Variants in SCIN observed in about 807,000 individuals in gnomAD.
SCIN encodes the protein adseverin.
In SCIN, 91 loss-of-function variants were observed where a neutral mutation model predicts 91.8. The ratio of observed to expected loss-of-function variants is 0.99; its 90% CI spans 0.84 to 1.18. The LOEUF (loss-of-function observed/expected upper bound fraction) is 1.18. Among genes scored for constraint, SCIN ranks in the 50% most tolerant of loss-of-function variants. The pLI, the probability that SCIN is intolerant of heterozygous loss-of-function variation, is 0.00. For missense variants in SCIN, 1,087 were observed against 863.9 expected (o/e 1.26, Z -3.24); for synonymous variants, 367 against 312.6 (o/e 1.17, Z -1.84).
chr7:12,617,587 A>C (rs1477507231), intron 4 of SCIN, among the ~76,000 whole-genome samples: 1 of 152,140 alleles, frequency 6.6e-6, no homozygotes, highest in Non-Finnish European at 1.5e-5. Context: ...CAGCTCTCAG[A>C]CCACCAGGCC....
intron 3 of SCIN, among the ~76,000 whole-genome samples, chr7:12,601,791 T>C (rs1782963679): frequency 6.6e-6 from 1 of 152,246 alleles, no homozygotes; most frequent in Non-Finnish European, 1.5e-5. Context: ...TTTTTGTTTC[T>C]ACTTAAATGT....
chr7:12,598,581 T>A (rs546198863), intron 3 of SCIN, among the ~76,000 whole-genome samples: 2 of 152,244 alleles, frequency 1.3e-5, no homozygotes, highest in African/African-American at 4.8e-5. Flanking sequence ...GAATGAACAT[T>A]TAATTAGATT....
At chr7:12,636,809 A>G (rs1783761725) in intron 10 of SCIN, among the ~76,000 whole-genome samples, 1 of 152,158 alleles carries the variant, frequency 6.6e-6, no homozygotes, top group Non-Finnish European at 1.5e-5. Flanking sequence ...ACACAAAGAA[A>G]TGATAAATAT....
intron 3 of SCIN, among the ~76,000 whole-genome samples, chr7:12,599,370 A>AGTGT (rs10659954): frequency 0.41 from 61,049 of 149,140 alleles, 12,333 homozygotes; most frequent in Admixed American, 0.46. Context: ...TTTCATGGTG[A>AGTGT]GTGTGTGTGT....
intron 3 of SCIN, among the ~76,000 whole-genome samples, chr7:12,583,672 G>A (rs1782532109): frequency 6.6e-6 from 1 of 152,020 alleles, no homozygotes. Context: ...AACAAATACA[G>A]AGTTTCCACT....
At chr7:12,591,879 A>AG (rs761584209) in intron 3 of SCIN, among the ~76,000 whole-genome samples, 1 of 152,006 alleles carries the variant, frequency 6.6e-6, no homozygotes, top group Non-Finnish European at 1.5e-5. Flanking sequence ...TGGGCCTTGG[A>AG]GGGGGAGACC....
Position 12,618,820 on chromosome 7 carries a change from G to A in SCIN, c.667-3981G>A, listed in dbSNP as rs193161342. Among the ~76,000 whole-genome samples the A allele has an allele frequency of 2.0e-4, 30 of 152,218 alleles. No homozygotes were observed. The East Asian group carries it at 4.2e-3, about 22-fold the overall frequency. On this transcript the variant is annotated intron_variant, in intron 4 of 15. Transcript: ENST00000297029. Reference sequence around the variant, plus strand: ...AGATACAGAATTTACAAATTAAAATGTTCATTCTTGGAACCTGTGAGCTGA... The same window carrying A: ...AGATACAGAATTTACAAATTAAAATATTCATTCTTGGAACCTGTGAGCTGA...
chr7:12,656,767 C>CA lies in SCIN; in HGVS notation c.*4058dup, dbSNP rs1253188383. Reference sequence around the variant, plus strand: ...TGAAACCCCGTCTCTACTAAAAATACAAAAAATTAGCTGGGCGTAGTGGCG... The same window carrying CA: ...TGAAACCCCGTCTCTACTAAAAATACAAAAAAATTAGCTGGGCGTAGTGGCG... On this transcript the variant is annotated 3_prime_UTR_variant, in exon 16 of 16. Transcript: ENST00000297029. 4 of 152,074 alleles carry CA rather than the reference C, an allele frequency of 2.6e-5. No homozygotes were observed. Among genetic ancestry groups the CA allele is most frequent in the Non-Finnish European group, 5.9e-5 (4 of 68,022 alleles). The allele number at this position is 152,074 out of a possible 1,614,324, so 9.4% of individuals were successfully genotyped here. A position where few individuals can be genotyped will look rare whatever the true frequency, so the allele number is the denominator to read the frequency against.
chr7:12,595,895 C>A (rs1011365195), intron 3 of SCIN: 1 of 154,100 alleles, frequency 6.5e-6, no homozygotes, highest in Non-Finnish European at 1.4e-5. Context: ...ATCCAAATTA[C>A]CAGTGGCAAA....
chr7:12,608,087 T>C (rs1045580676), intron 4 of SCIN, among the ~76,000 whole-genome samples: 1 of 152,204 alleles, frequency 6.6e-6, no homozygotes, highest in Non-Finnish European at 1.5e-5. Flanking sequence ...TAATTATTAT[T>C]GTTATTAGAT....
At chr7:12,591,950 T>A (rs1183334218) in intron 3 of SCIN, among the ~76,000 whole-genome samples, 2 of 151,956 alleles carry the variant, frequency 1.3e-5, no homozygotes, top group Non-Finnish European at 2.9e-5. Flanking sequence ...TTGAGAGTCT[T>A]TTAGAGAGGG....
chr7:12,650,818 A>G (rs1302492418), intron 14 of SCIN, among the ~76,000 whole-genome samples: 1 of 152,178 alleles, frequency 6.6e-6, no homozygotes, highest in Non-Finnish European at 1.5e-5. Context: ...AGGGAGGGCA[A>G]GCTACTAGAG....
chr7:12,610,139 G>A (rs1490204719), intron 4 of SCIN, among the ~76,000 whole-genome samples: 4 of 152,152 alleles, frequency 2.6e-5, no homozygotes, highest in Non-Finnish European at 4.4e-5. Context: ...TATGATGTTA[G>A]CATATAGTCT....
chr7:12,647,752 A>G (rs34982781), intron 13 of SCIN, among the ~76,000 whole-genome samples: 4 of 152,294 alleles, frequency 2.6e-5, no homozygotes, highest in Admixed American at 6.5e-5. Context: ...TGTTTTGTTT[A>G]TTTTGTATAA....
At chr7:12,605,209 A>G (rs1305482285) in intron 4 of SCIN, among the ~76,000 whole-genome samples, 10 of 151,934 alleles carry the variant, frequency 6.6e-5, no homozygotes, top group Admixed American at 2.6e-4. Context: ...CCACCACCAT[A>G]CCTGGCTAAT....
intron 4 of SCIN, among the ~76,000 whole-genome samples, chr7:12,616,128 T>A (rs527283475): frequency 6.6e-6 from 1 of 152,186 alleles, no homozygotes; most frequent in South Asian, 2.1e-4. Context: ...CAACTTAGAG[T>A]ACCAGAGGGT....
intron 9 of SCIN, among the ~76,000 whole-genome samples, chr7:12,632,688 C>T (rs1783670877): frequency 1.3e-5 from 2 of 152,038 alleles, no homozygotes; most frequent in South Asian, 4.1e-4. Context: ...CTGGTCTGAG[C>T]ATAAATGGGT....
Position 12,625,262 on chromosome 7 carries a change from A to G in SCIN, c.892+120A>G. 3.3e-6 allele frequency: 3 copies of G among 900,654 alleles called. No homozygotes were observed. The South Asian group carries it at 7.0e-5, about 21-fold the overall frequency. 55.8% of individuals were successfully genotyped at this position (900,654 alleles called of 1,614,324 possible). On this transcript the variant is annotated intron_variant, in intron 6 of 15. Coordinates refer to ENST00000297029, the MANE Select transcript of SCIN (RefSeq NM_001112706.3). ...CCACCTTTTAATTAAGACATGATCTATAAATGTCTCACATAAAATGCAGCC... is the reference window on the plus strand; with the variant it reads ...CCACCTTTTAATTAAGACATGATCTGTAAATGTCTCACATAAAATGCAGCC...
intron 3 of SCIN, among the ~76,000 whole-genome samples, chr7:12,588,764 A>C (rs1275939488): frequency 7.4e-6 from 1 of 134,506 alleles, no homozygotes. Context: ...AGGGTCCAGG[A>C]ATGCAGCTGC....
Sources: allele counts gnomAD v4.1 joint callset (sites outside exome capture counted in the v4.1 genomes callset), GRCh38; gene constraint gnomAD v4.1.1; transcripts MANE v1.5; gene names NCBI Gene and HGNC (gene_info 2026-07-23, HGNC 2026-07-21).